Variants in SLC24A3 observed in about 807,000 individuals in gnomAD.
SLC24A3 encodes sodium/potassium/calcium exchanger 3.
Under a neutral mutation model 75.8 loss-of-function variants are expected in SLC24A3, and 28 were observed. The ratio of observed to expected loss-of-function variants is 0.37; its 90% CI spans 0.27 to 0.51. The LOEUF is 0.51. Among genes scored for constraint, SLC24A3 ranks in the 20% least tolerant of loss-of-function variants. SLC24A3 has a pLI of 0.94. For missense variants in SLC24A3, 663 were observed against 847.8 expected (o/e 0.78, Z 2.71); for synonymous variants, 372 against 334.1 (o/e 1.11, Z -1.24).
intron 6 of SLC24A3, among the ~76,000 whole-genome samples, chr20:19,609,665 C>T (rs1290799939): frequency 1.3e-5 from 2 of 152,146 alleles, no homozygotes; most frequent in Non-Finnish European, 2.9e-5. Flanking sequence ...ATTAGGTTCA[C>T]ATGTTTTGCT....
rs1555788919 is a variant in SLC24A3, at chr20:19,346,124, G to GTGTA, written c.271+65038_271+65039insGTAT. On this transcript the variant is annotated intron_variant, in intron 2 of 16. Transcript: ENST00000328041. The stretch of plus-strand genomic sequence containing the variant: ...ATATATATATGGTGTGTGTGTGTGT[G>GTGTA]TATATATATATATGGTGTGTGTATA... 2.8e-3 allele frequency among the ~76,000 whole-genome samples: 124 copies of GTGTA among 43,586 alleles called. 15 individuals are homozygous for GTGTA. Among genetic ancestry groups the GTGTA allele is most frequent in the African/African-American group, 0.016 (118 of 7,174 alleles). 28.6% of individuals were successfully genotyped at this position (43,586 alleles called of 152,430 possible).
At chr20:19,588,231 G>C (rs570056008) in intron 6 of SLC24A3, among the ~76,000 whole-genome samples, 1 of 150,430 alleles carries the variant, frequency 6.6e-6, no homozygotes, top group Admixed American at 6.7e-5. Context: ...GGAATGTTAC[G>C]GCAAAGGCTG....
chr20:19,334,381 AT>A (rs145636247), intron 2 of SLC24A3, among the ~76,000 whole-genome samples: 19,960 of 151,732 alleles, frequency 0.13, 3,049 homozygotes, highest in African/African-American at 0.35. Flanking sequence ...AGTAAAAAAA[AT>A]AAAGAGTGCT....
At chr20:19,320,561 G>C (rs1368217158) in intron 2 of SLC24A3, among the ~76,000 whole-genome samples, 5 of 151,856 alleles carry the variant, frequency 3.3e-5, no homozygotes, top group Admixed American at 1.3e-4. Context: ...CTCTCTCTCT[G>C]TTATGCATTA....
chr20:19,316,872 G>T (rs1427347171), intron 2 of SLC24A3, among the ~76,000 whole-genome samples: 1 of 152,052 alleles, frequency 6.6e-6, no homozygotes, highest in Non-Finnish European at 1.5e-5. Context: ...ACATGTGCAG[G>T]ATGTGCAGGT....
At chr20:19,680,181 T>C (rs2032597504) in intron 9 of SLC24A3, among the ~76,000 whole-genome samples, 1 of 132,994 alleles carries the variant, frequency 7.5e-6, no homozygotes, top group Non-Finnish European at 1.7e-5. Context: ...TCTGTGTGTC[T>C]GTATGTGCAT....
chr20:19,559,444 CA>C (rs2030839236), intron 3 of SLC24A3, among the ~76,000 whole-genome samples: 1 of 152,142 alleles, frequency 6.6e-6, no homozygotes, highest in African/African-American at 2.4e-5. Context: ...TGTTGGAGAG[CA>C]AAGTACTTTT....
intron 3 of SLC24A3, among the ~76,000 whole-genome samples, chr20:19,531,728 T>C (rs2030303866): frequency 6.6e-6 from 1 of 152,176 alleles, no homozygotes; most frequent in South Asian, 2.1e-4. Flanking sequence ...AAATAATACA[T>C]GGCCACTGCC....
chr20:19,685,396 C>T, intron 12 of SLC24A3, 35 bp downstream of exon 12: 2 of 1,603,722 alleles, frequency 1.2e-6, no homozygotes, highest in Non-Finnish European at 8.5e-7. Flanking sequence ...GGGTTGGGAG[C>T]TATTTTGAGC....
intron 3 of SLC24A3, among the ~76,000 whole-genome samples, chr20:19,517,227 C>T (rs557682680): frequency 9.9e-5 from 15 of 152,212 alleles, no homozygotes; most frequent in East Asian, 5.8e-4. Flanking sequence ...GAGTTGGATC[C>T]GGAATTCCCT....
At chr20:19,469,840 G>A (rs1375345348) in intron 2 of SLC24A3, among the ~76,000 whole-genome samples, 3 of 152,144 alleles carry the variant, frequency 2.0e-5, no homozygotes, top group Admixed American at 6.5e-5. Context: ...CAAAGGAAAC[G>A]GCTGTGGTCA....
intron 1 of SLC24A3, among the ~76,000 whole-genome samples, chr20:19,219,204 C>A (rs550479532): frequency 2.0e-5 from 3 of 152,092 alleles, no homozygotes; most frequent in Non-Finnish European, 2.9e-5. Context: ...CACTTCCAAC[C>A]TGGAGAGGCA....
chr20:19,425,302 C>CA (rs11474288), intron 2 of SLC24A3, among the ~76,000 whole-genome samples: 55,840 of 147,276 alleles, frequency 0.38, 12,120 homozygotes, highest in Middle Eastern at 0.6. Context: ...GACTCCGTCT[C>CA]AAAAAAAAAA....
chr20:19,610,217 T>G (rs2031654379), intron 6 of SLC24A3, among the ~76,000 whole-genome samples: 1 of 152,240 alleles, frequency 6.6e-6, no homozygotes, highest in African/African-American at 2.4e-5. Context: ...TCTTTTATTT[T>G]TCTTTTTGGT....
intron 15 of SLC24A3, among the ~76,000 whole-genome samples, chr20:19,716,740 G>A (rs149446327): frequency 6.6e-6 from 1 of 152,010 alleles, no homozygotes; most frequent in South Asian, 2.1e-4. Flanking sequence ...AATCAGCCAG[G>A]TGTGATGGTG....
intron 2 of SLC24A3, among the ~76,000 whole-genome samples, chr20:19,373,972 T>C (rs1986035680): frequency 6.6e-6 from 1 of 152,190 alleles, no homozygotes; most frequent in Admixed American, 6.5e-5. Context: ...AATAACTGGA[T>C]GAAGGATTCC....
At chr20:19,640,045 C>G (rs1202330983) in intron 6 of SLC24A3, among the ~76,000 whole-genome samples, 12 of 152,238 alleles carry the variant, frequency 7.9e-5, no homozygotes, top group Admixed American at 7.2e-4. Context: ...GCTGAGGGAG[C>G]CTGCTGGGGC....
intron 2 of SLC24A3, among the ~76,000 whole-genome samples, chr20:19,500,434 TTA>T (rs1296572544): frequency 6.6e-6 from 1 of 152,214 alleles, no homozygotes; most frequent in Admixed American, 6.5e-5. Context: ...TCAGAGATTT[TTA>T]TGAGTTAGGA....
chr20:19,673,662 A>C lies in SLC24A3; in HGVS notation c.767+8A>C. ...CTACATTGTCATCATGAAGTAAGTAAAATTTTTCATTTCTTATCCAAAACT... is the reference window on the plus strand; with the variant it reads ...CTACATTGTCATCATGAAGTAAGTACAATTTTTCATTTCTTATCCAAAACT... On this transcript the variant is annotated splice_region_variant and intron_variant, in intron 9 of 16. Coordinates refer to ENST00000328041, the MANE Select transcript of SLC24A3 (RefSeq NM_020689.4). The C allele has an allele frequency of 6.2e-7, 1 of 1,612,082 alleles. No individual in the cohort carries two copies. The highest frequency in any genetic ancestry group is 8.5e-7 in the Non-Finnish European group (1 of 1,178,148).
Sources: allele counts gnomAD v4.1 joint callset (sites outside exome capture counted in the v4.1 genomes callset), GRCh38; gene constraint gnomAD v4.1.1; transcripts MANE v1.5; gene names NCBI Gene and HGNC (gene_info 2026-07-23, HGNC 2026-07-21).